Variants in PTPRD observed in about 807,000 individuals in gnomAD.
The protein encoded by PTPRD is receptor-type tyrosine-protein phosphatase delta.
A neutral mutation model predicts 214.5 loss-of-function variants in PTPRD; 34 were observed. The ratio of observed to expected loss-of-function variants is 0.16; its 90% confidence interval spans 0.12 to 0.21. The LOEUF (loss-of-function observed/expected upper bound fraction) is 0.21, where lower values mean the gene tolerates loss of function less well. PTPRD is among the 10% of genes least tolerant of loss of function. PTPRD has a pLI of 1.00. For synonymous variants in PTPRD, 1,128 were observed against 845.7 expected (o/e 1.33, Z -5.79); for missense variants, 2,545 against 2,398.7 (o/e 1.06, Z -1.27).
chr9:9,821,817 C>T (rs937412039), intron 5 of PTPRD, among the ~76,000 whole-genome samples: 5 of 151,702 alleles, frequency 3.3e-5, no homozygotes, highest in Non-Finnish European at 7.4e-5. Context: ...TTTAAATATG[C>T]TTACAACTTT....
At chr9:10,292,252 A>T (rs1287926672) in intron 3 of PTPRD, among the ~76,000 whole-genome samples, 2 of 151,998 alleles carry the variant, frequency 1.3e-5, no homozygotes, top group African/African-American at 2.4e-5. Context: ...ATCTGTCAGC[A>T]CATCCTTCAG....
chr9:8,630,174 T>C (rs917158755), intron 14 of PTPRD, among the ~76,000 whole-genome samples: 2 of 151,760 alleles, frequency 1.3e-5, no homozygotes, highest in Admixed American at 1.3e-4. Flanking sequence ...AGAAAGTAAA[T>C]GATCCACGTG....
chr9:10,238,647 T>C (rs1294874169), intron 3 of PTPRD, among the ~76,000 whole-genome samples: 1 of 151,948 alleles, frequency 6.6e-6, no homozygotes, highest in Non-Finnish European at 1.5e-5. Context: ...CTAATTAACC[T>C]ATATTCATGG....
At chr9:10,242,732 GTTTTTA>G (rs903465861) in intron 3 of PTPRD, among the ~76,000 whole-genome samples, 3 of 151,080 alleles carry the variant, frequency 2.0e-5, no homozygotes, top group Admixed American at 6.6e-5. Context: ...AGATCAATAG[GTTTTTA>G]TTTTTATTTT....
chr9:8,900,393 C>T (rs116161232), intron 11 of PTPRD, among the ~76,000 whole-genome samples: 3 of 152,102 alleles, frequency 2.0e-5, no homozygotes, highest in South Asian at 4.1e-4. Context: ...GTTTTAATTG[C>T]TCATCTAAAA....
At chr9:9,252,790 T>C (rs2099976036) in intron 9 of PTPRD, among the ~76,000 whole-genome samples, 2 of 152,118 alleles carry the variant, frequency 1.3e-5, no homozygotes, top group African/African-American at 4.8e-5. Context: ...CATTGCTGGG[T>C]ACTCATGCTA....
chr9:10,086,920 G>C (rs1567594302), intron 3 of PTPRD, among the ~76,000 whole-genome samples: 1 of 151,640 alleles, frequency 6.6e-6, no homozygotes, highest in Admixed American at 6.6e-5. Flanking sequence ...CACATAAAAA[G>C]TTTATAGCAG....
chr9:10,231,820 G>A (rs1207747678), intron 3 of PTPRD, among the ~76,000 whole-genome samples: 1 of 151,852 alleles, frequency 6.6e-6, no homozygotes, highest in Non-Finnish European at 1.5e-5. Context: ...TGGTGGTATT[G>A]GGAAGCAGGG....
chr9:10,246,310 C>T (rs1367361715), intron 3 of PTPRD, among the ~76,000 whole-genome samples: 1 of 152,152 alleles, frequency 6.6e-6, no homozygotes, highest in Non-Finnish European at 1.5e-5. Flanking sequence ...ATAGCTCGGT[C>T]TTGGCTCACT....
At chr9:10,220,456 T>C (rs953431676) in intron 3 of PTPRD, among the ~76,000 whole-genome samples, 4 of 151,886 alleles carry the variant, frequency 2.6e-5, no homozygotes, top group African/African-American at 9.7e-5. Context: ...GGCAAGTATA[T>C]CTCTAGAGTC....
intron 4 of PTPRD, among the ~76,000 whole-genome samples, chr9:9,969,993 C>G (rs541770248): frequency 2.0e-5 from 3 of 152,234 alleles, no homozygotes; most frequent in African/African-American, 7.2e-5. Context: ...ATCTGGAGAA[C>G]TGTCATTCAG....
chr9:8,477,005 C>A (rs865836955), intron 30 of PTPRD, among the ~76,000 whole-genome samples: 1 of 151,764 alleles, frequency 6.6e-6, no homozygotes, highest in East Asian at 1.9e-4. Flanking sequence ...TCTAATCTCA[C>A]AGGACATTAA....
Position 8,417,221 on chromosome 9 carries a change from T to TGGG in PTPRD, c.4087-12564_4087-12562dup, listed in dbSNP as rs563572662. 4.3e-3 allele frequency among the ~76,000 whole-genome samples: 658 copies of TGGG among 151,884 alleles called. 2 individuals are homozygous for TGGG. Among genetic ancestry groups the TGGG allele is most frequent in the Non-Finnish European group, 6.9e-3 (467 of 67,928 alleles). On this transcript the variant is annotated intron_variant, in intron 35 of 45. Coordinates refer to ENST00000381196, the MANE Select transcript of PTPRD (RefSeq NM_002839.4). ...ATGACTCCTATCAAATCCAAAAGAG[T>TGGG]GGGAAGTTAAGTATAATCTTTACTT...
chr9:9,719,527 T>A (rs2097897768), intron 7 of PTPRD, among the ~76,000 whole-genome samples: 1 of 144,842 alleles, frequency 6.9e-6, no homozygotes, highest in Non-Finnish European at 1.5e-5. Context: ...CCAGGCAGCT[T>A]CCCCAAACAG....
chr9:9,894,661 A>G (rs1005236010), intron 5 of PTPRD, among the ~76,000 whole-genome samples: 1 of 152,014 alleles, frequency 6.6e-6, no homozygotes, highest in Admixed American at 6.6e-5. Flanking sequence ...AAGAACTTTC[A>G]TAACAGTTAC....
intron 12 of PTPRD, among the ~76,000 whole-genome samples, chr9:8,651,823 C>G (rs2096816935): frequency 6.6e-6 from 1 of 152,136 alleles, no homozygotes; most frequent in Non-Finnish European, 1.5e-5. Flanking sequence ...CATTTCACCT[C>G]TCCTGGTAAG....
intron 9 of PTPRD, among the ~76,000 whole-genome samples, chr9:9,257,960 C>G (rs948470709): frequency 6.6e-6 from 1 of 151,964 alleles, no homozygotes; most frequent in African/African-American, 2.4e-5. Flanking sequence ...TACTCTTCCT[C>G]TTAAAATAAT....
intron 3 of PTPRD, among the ~76,000 whole-genome samples, chr9:10,125,000 G>A (rs751001002): frequency 6.6e-6 from 1 of 152,158 alleles, no homozygotes; most frequent in Admixed American, 6.5e-5. Flanking sequence ...GCTCATGACA[G>A]AAAAGTAAAA....
intron 4 of PTPRD, among the ~76,000 whole-genome samples, chr9:10,029,854 G>A (rs894320355): frequency 2.6e-5 from 4 of 152,118 alleles, no homozygotes; most frequent in Non-Finnish European, 5.9e-5. Context: ...AGGGGCCAGG[G>A]ACAGAAAGAT....
Sources: gnomAD v4.1 joint callset for allele counts (sites outside exome capture counted in the v4.1 genomes callset) on GRCh38, gnomAD v4.1.1 for gene constraint, MANE v1.5 for transcripts, NCBI Gene and HGNC (gene_info 2026-07-23, HGNC 2026-07-21) for gene names.